The following DNAI2 variants were observed in gnomAD, a reference collection of about 807,000 sequenced individuals.
DNAI2 encodes dynein, axonemal, intermediate polypeptide 2.
DNAI2 carries 63 observed loss-of-function variants against 74.7 expected under a neutral mutation model. The observed-to-expected ratio is 0.84, with a 90% CI of 0.69 to 1.04. The LOEUF is 1.04. Among genes scored for constraint, DNAI2 ranks in the 50% least tolerant of loss-of-function variants. The pLI, the probability that DNAI2 is intolerant of heterozygous loss-of-function variation, is 0.00. For missense variants in DNAI2, 688 were observed against 803.2 expected, an observed-to-expected ratio of 0.86 and a Z score of 1.73; for synonymous variants, 289 against 314.9, an observed-to-expected ratio of 0.92 and a Z score of 0.87.
At chr17:74,291,867 A>AT (rs36055191) in intron 6 of DNAI2, among the ~76,000 whole-genome samples, 32,883 of 144,964 alleles carry the variant, frequency 0.23, 4,054 homozygotes, top group African/African-American at 0.33. Flanking sequence ...ATTGATATTA[A>AT]TTTTTTTTTT....
intron 6 of DNAI2, among the ~76,000 whole-genome samples, chr17:74,294,709 T>C (rs11077738): frequency 0.33 from 50,721 of 152,082 alleles, 9,126 homozygotes; most frequent in Non-Finnish European, 0.43. Context: ...TTGATTATGA[T>C]GTTTCTAGGT....
chr17:74,309,117 C>T, intron 9 of DNAI2, 136 bp from the exon 10 acceptor site: 5 of 938,580 alleles, frequency 5.3e-6, no homozygotes, highest in Non-Finnish European at 8.3e-6. Flanking sequence ...GTCAGCACAG[C>T]TAGAAGTCAG....
chr17:74,302,026 A>AGAAGGAAG (rs1253918401), intron 8 of DNAI2, among the ~76,000 whole-genome samples: 1 of 15,856 alleles, frequency 6.3e-5, no homozygotes, highest in East Asian at 1.2e-3. Flanking sequence ...AAGGAAGGAA[A>AGAAGGAAG]GAAGGAAGGA....
Position 74,297,689 on chromosome 17 carries a change from C to CT in DNAI2, c.725-2015dup, listed in dbSNP as rs779803968. On this transcript the variant is annotated intron_variant, in intron 6 of 13. Transcript: ENST00000311014. ...GAGCCACCAAGCCCAGCCCAAACTGCTTTTTTTTTTTTTTAATCTCCAGTG... is the reference window on the plus strand; with the variant it reads ...GAGCCACCAAGCCCAGCCCAAACTGCTTTTTTTTTTTTTTTAATCTCCAGTG... Among the ~76,000 whole-genome samples the CT allele has an allele frequency of 4.5e-3, 647 of 143,992 alleles. 2 individuals carry two copies. The highest frequency in any genetic ancestry group is 0.018 in the Middle Eastern group (5 of 274). The allele number at this position is 143,992 out of a possible 152,430, so 94.5% of individuals were successfully genotyped here.
chr17:74,291,882 G>A (rs952291657), intron 6 of DNAI2, among the ~76,000 whole-genome samples: 2 of 113,848 alleles, frequency 1.8e-5, no homozygotes, highest in African/African-American at 7.5e-5. Flanking sequence ...TTTTTTTTTT[G>A]AGATGGAGTC....
At chr17:74,284,959 G>A (rs1464047479) in intron 2 of DNAI2, 81 bp from the exon 3 acceptor site, 6 of 1,593,680 alleles carry the variant, frequency 3.8e-6, no homozygotes, top group Non-Finnish European at 5.2e-6. Context: ...GGGAGCCCCC[G>A]TGGGACCTGG....
At chr17:74,292,599 T>C (rs1167021733) in intron 6 of DNAI2, among the ~76,000 whole-genome samples, 2 of 152,014 alleles carry the variant, frequency 1.3e-5, no homozygotes, top group Non-Finnish European at 2.9e-5. Flanking sequence ...GTAGTTTTTT[T>C]AGTCACAAGG....
Position 74,300,162 on chromosome 17 carries a change from G to A in DNAI2, c.864+305G>A, listed in dbSNP as rs1389024888. 6.6e-6 allele frequency among the ~76,000 whole-genome samples: 1 copy of A among 152,156 alleles called. No individual in the cohort carries two copies. The highest frequency in any genetic ancestry group is 1.5e-5 in the Non-Finnish European group (1 of 68,026). On this transcript the variant is annotated intron_variant, in intron 7 of 13. Transcript: ENST00000311014. This position sits in a 1 kb window ranked among gnomAD's most constrained non-coding sequence, Gnocchi z 4.5. The stretch of plus-strand genomic sequence containing the variant: ...GGTGCTTCACTATGTTGGCCAGGCT[G>A]GTCTCGAACTCTGACCTCAGGTGAT...
intron 4 of DNAI2, among the ~76,000 whole-genome samples, chr17:74,288,622 C>G (rs1402117874): frequency 6.6e-6 from 1 of 152,130 alleles, no homozygotes; most frequent in Non-Finnish European, 1.5e-5. Flanking sequence ...AATACCCCAT[C>G]CCAGAGCACC....
chr17:74,312,250 T>C lies in DNAI2; in HGVS notation c.1722+20T>C. ...GTGCCTGTAGGGGCCTGGACAGGGG[T>C]TGGGTGGGTTGGGGACTGGGCGGGA... On this transcript the variant is annotated intron_variant, in intron 12 of 13. Coordinates refer to ENST00000311014, the MANE Select transcript of DNAI2 (RefSeq NM_023036.6). The C allele has an allele frequency of 1.9e-6, 1 of 539,090 alleles. No homozygotes were observed. Among genetic ancestry groups the C allele is most frequent in the Non-Finnish European group, 3.7e-6 (1 of 271,888 alleles). 33.4% of individuals were successfully genotyped at this position (539,090 alleles called of 1,614,324 possible).
At position 74,300,942 on chromosome 17, in the gene DNAI2, TG is replaced by T; in HGVS notation, c.865-102del. 1 of 1,523,880 alleles carries T rather than the reference TG, an allele frequency of 6.6e-7. No individual in the cohort carries two copies. Among genetic ancestry groups the T allele is most frequent in the African/African-American group, 1.4e-5 (1 of 73,292 alleles). The allele number at this position is 1,523,880 out of a possible 1,614,324, so 94.4% of individuals were successfully genotyped here. ...GAATTGCCGGGAGCTCCATCCTTTG[TG>T]GCCCAGTGGCTGACCCCAGGACGGT... On this transcript the variant is annotated intron_variant, in intron 7 of 13. Transcript: ENST00000311014. The surrounding 1 kb of genome is among the most constrained non-coding windows in gnomAD (Gnocchi z 4.5).
Position 74,287,013 on chromosome 17 carries a change from G to A in DNAI2, c.382G>A (p.Asp128Asn), listed in dbSNP as rs1426547936. Residue 128 changes from aspartate to asparagine, a missense_variant, in exon 4 of 14, where the codon GAC becomes AAC. Asp to Asn is a conservative substitution (Grantham distance 23). Transcript: ENST00000311014. ...EHCIKQNNAI[D>N]IYEEYFNDEE... The stretch of plus-strand genomic sequence containing the variant: ...CTGCATCAAGCAGAACAATGCCATT[G>A]ACATCTATGAAGAGTATTTCAATGA... The A allele has an allele frequency of 6.2e-7, 1 of 1,613,774 alleles. No individual in the cohort carries two copies. Among genetic ancestry groups the A allele is most frequent in the Non-Finnish European group, 8.5e-7 (1 of 1,179,856 alleles).
At chr17:74,290,390 T>C (rs549349657) in intron 5 of DNAI2, among the ~76,000 whole-genome samples, 37 of 152,318 alleles carry the variant, frequency 2.4e-4, no homozygotes, top group Admixed American at 3.9e-4. Flanking sequence ...ACTTGTGCCT[T>C]TGTCCCATCT....
chr17:74,308,722 A>T (rs12944044), intron 9 of DNAI2, among the ~76,000 whole-genome samples: 88,086 of 151,672 alleles, frequency 0.58, 26,848 homozygotes, highest in Non-Finnish European at 0.7. Flanking sequence ...GGGTCTTTCC[A>T]TGTTGTCCAG....
At chr17:74,289,126 G>A (rs1226825059) in intron 4 of DNAI2, among the ~76,000 whole-genome samples, 1 of 152,240 alleles carries the variant, frequency 6.6e-6, no homozygotes. Context: ...AGCAAGGGGT[G>A]TGCAGGAGAG....
rs749917864 is a variant in DNAI2 at position 74,314,104 on chromosome 17, G to A, written c.1723-17G>A. The A allele has an allele frequency of 1.9e-6, 3 of 1,613,560 alleles. No individual in the cohort carries two copies. Among genetic ancestry groups the A allele is most frequent in the Non-Finnish European group, 2.5e-6 (3 of 1,179,630 alleles). The stretch of plus-strand genomic sequence containing the variant: ...CCCCTACCAACACCAACACTTCTGT[G>A]CTGTCTTCCCCTGCAGCAGCAACCA... On this transcript the variant is annotated splice_polypyrimidine_tract_variant and intron_variant, in intron 12 of 13. Coordinates refer to ENST00000311014, the MANE Select transcript of DNAI2 (RefSeq NM_023036.6).
rs28647353 is a variant in DNAI2, at chr17:74,291,464, G to A, written c.724+331G>A. Among the ~76,000 whole-genome samples, 8,664 of 152,110 alleles carry A rather than the reference G, an allele frequency of 0.057. 335 individuals carry two copies. Among genetic ancestry groups the A allele is most frequent in the African/African-American group, 0.12 (4,938 of 41,528 alleles). On this transcript the variant is annotated intron_variant, in intron 6 of 13. Coordinates refer to ENST00000311014, the MANE Select transcript of DNAI2 (RefSeq NM_023036.6). ...CAGGTGTGGGCCACCACACCTGGCC[G>A]GGACCCAGATTCATAGTCAGAGCCA...
intron 3 of DNAI2, 50 bp downstream of exon 3, chr17:74,285,251 C>T: frequency 6.3e-7 from 1 of 1,599,842 alleles, no homozygotes; most frequent in Non-Finnish European, 8.5e-7. Flanking sequence ...ATCACTGCAG[C>T]TCCCCAAGGG....
At chr17:74,297,661 C>T (rs911974655) in intron 6 of DNAI2, among the ~76,000 whole-genome samples, 2 of 151,420 alleles carry the variant, frequency 1.3e-5, no homozygotes, top group African/African-American at 4.9e-5. Context: ...GGATTACAGG[C>T]GTGAGCCACC....
Sources: allele counts gnomAD v4.1 joint callset (sites outside exome capture counted in the v4.1 genomes callset), GRCh38; gene constraint gnomAD v4.1.1; non-coding constraint Gnocchi (gnomAD v3.1); transcripts MANE v1.5; gene names NCBI Gene and HGNC (gene_info 2026-07-23, HGNC 2026-07-21).